Variants in GAP43 observed in about 807,000 individuals in gnomAD.
The protein encoded by GAP43 is growth associated protein 43.
Under a neutral mutation model 18.6 loss-of-function variants are expected in GAP43, and 6 were observed. The observed-to-expected ratio is 0.32, with a 90% CI of 0.18 to 0.64. The LOEUF is 0.64. GAP43 is among the 30% of genes least tolerant of loss of function. The pLI is 0.78. For synonymous variants in GAP43, 115 were observed against 111.4 expected (o/e 1.03, Z -0.20); for missense variants, 292 against 295.5 (o/e 0.99, Z 0.09).
rs571479861 is a variant in GAP43 at position 115,703,099 on chromosome 3, G to C, written c.629-17695G>C. 2.0e-5 allele frequency among the ~76,000 whole-genome samples: 3 copies of C among 152,114 alleles called. No individual in the cohort carries two copies. The South Asian group carries it at 6.2e-4, about 32-fold the overall frequency. On this transcript the variant is annotated intron_variant, in intron 2 of 2. Transcript: ENST00000305124. ...TCAAAATAAAGAGTACTTAAGGAAA[G>C]ATAAAGAACAATGGTAAATGAGAAA...
chr3:115,697,454 T>G (rs1448473777), intron 2 of GAP43, among the ~76,000 whole-genome samples: 2 of 152,200 alleles, frequency 1.3e-5, no homozygotes, highest in Non-Finnish European at 2.9e-5. Flanking sequence ...TTCTCACATG[T>G]AATGCCATCC....
chr3:115,629,611 G>A (rs939845318), intron 1 of GAP43, among the ~76,000 whole-genome samples: 1 of 151,984 alleles, frequency 6.6e-6, no homozygotes, highest in Non-Finnish European at 1.5e-5. Context: ...GCTGTATTTT[G>A]TACTATCTCT....
chr3:115,625,206 C>CATAAATAAATAAATAAATAAATAA (rs112440898), intron 1 of GAP43, among the ~76,000 whole-genome samples: 9 of 143,348 alleles, frequency 6.3e-5, no homozygotes, highest in African/African-American at 2.4e-4. Context: ...AGAGATTTGG[C>CATAAATAAATAAATAAATAAATAA]ATAAATAAAT....
chr3:115,646,146 A>T (rs1030358974), intron 1 of GAP43, among the ~76,000 whole-genome samples: 3 of 152,134 alleles, frequency 2.0e-5, no homozygotes, highest in African/African-American at 7.2e-5. Context: ...CAGGATCCAG[A>T]AACTCAGTGC....
At chr3:115,675,716 G>C (rs9631453) in intron 1 of GAP43, among the ~76,000 whole-genome samples, 37,879 of 131,158 alleles carry the variant, frequency 0.29, 5,496 homozygotes, top group East Asian at 0.46. Context: ...CTGAGACCAC[G>C]CCATTGTACT....
In GAP43 at chr3:115,719,295, G is replaced by A. The variant is rs182139656; in HGVS notation, c.629-1499G>A. ...AAAAAAAAAACAGTTAATACAGTAG[G>A]CCTGGGACTGCTATCCTTAGAAAGG... On this transcript the variant is annotated intron_variant, in intron 2 of 2. Coordinates refer to ENST00000305124, the MANE Select transcript of GAP43 (RefSeq NM_002045.4). 6.3e-4 allele frequency among the ~76,000 whole-genome samples: 96 copies of A among 152,160 alleles called. 1 individual carries two copies. The highest frequency in any genetic ancestry group is 2.3e-3 in the African/African-American group (95 of 41,552).
chr3:115,651,982 T>G (rs980378489), intron 1 of GAP43, among the ~76,000 whole-genome samples: 1 of 152,214 alleles, frequency 6.6e-6, no homozygotes, highest in Non-Finnish European at 1.5e-5. Flanking sequence ...TTTTCTGATC[T>G]TTTATTTTTA....
At position 115,634,500 on chromosome 3, in the gene GAP43, A is replaced by C. The variant is rs116548639; in HGVS notation, c.30+10781A>C. Among the ~76,000 whole-genome samples, 1,491 of 152,102 alleles carry C rather than the reference A, an allele frequency of 9.8e-3. 28 individuals carry two copies. Among genetic ancestry groups the C allele is most frequent in the African/African-American group, 0.033 (1,382 of 41,504 alleles). ...GGAAAGAAAGAAAAAAATTGACTGGATATGGTGGCTCATGCTTGTAATCCC... is the reference window on the plus strand; with the variant it reads ...GGAAAGAAAGAAAAAAATTGACTGGCTATGGTGGCTCATGCTTGTAATCCC... On this transcript the variant is annotated intron_variant, in intron 1 of 2. Transcript: ENST00000305124.
chr3:115,657,571 T>A (rs1050698048), intron 1 of GAP43, among the ~76,000 whole-genome samples: 1 of 152,142 alleles, frequency 6.6e-6, no homozygotes, highest in East Asian at 1.9e-4. Flanking sequence ...CAACTTACAG[T>A]TGGGTGAGAA....
At chr3:115,705,989 C>G (rs1226877834) in intron 2 of GAP43, among the ~76,000 whole-genome samples, 1 of 152,106 alleles carries the variant, frequency 6.6e-6, no homozygotes, top group Admixed American at 6.6e-5. Flanking sequence ...ACAGCCACTT[C>G]CTACCCCATT....
rs71141831 is a variant in GAP43, at chr3:115,652,356, C to CTTTTTTTTTTTTTTTTTTTTTTTTTTT, written c.31-23654_31-23628dup. On this transcript the variant is annotated intron_variant, in intron 1 of 2. Coordinates refer to ENST00000305124, the MANE Select transcript of GAP43 (RefSeq NM_002045.4). ...TTCCTGATGATTCTTATCCAGCATT[C>CTTTTTTTTTTTTTTTTTTTTTTTTTTT]TTTTTTTTTTTTTTTTTTTTTTTTT... 3.2e-4 allele frequency among the ~76,000 whole-genome samples: 14 copies of CTTTTTTTTTTTTTTTTTTTTTTTTTTT among 43,808 alleles called. 2 individuals carry two copies. The highest frequency in any genetic ancestry group is 9.1e-4 in the East Asian group (1 of 1,104). 28.7% of individuals were successfully genotyped at this position (43,808 alleles called of 152,430 possible). A position where few individuals can be genotyped will look rare whatever the true frequency, so the allele number is the denominator to read the frequency against.
intron 1 of GAP43, among the ~76,000 whole-genome samples, chr3:115,656,705 G>A (rs750702946): frequency 1.3e-5 from 2 of 152,100 alleles, no homozygotes; most frequent in Non-Finnish European, 2.9e-5. Flanking sequence ...AGAAAAGCAA[G>A]CAATTTCCTA....
Position 115,676,397 on chromosome 3 carries a change from G to A in GAP43, c.415G>A (p.Glu139Lys), listed in dbSNP as rs746527748. The A allele has an allele frequency of 1.2e-6, 2 of 1,613,968 alleles. No homozygotes were observed. Among genetic ancestry groups the A allele is most frequent in the South Asian group, 2.2e-5 (2 of 91,078 alleles). The change falls in exon 2 of 3, where the codon GAG becomes AAG. Residue 139 changes from glutamate to lysine, a missense_variant. Glu to Lys is a moderately conservative substitution (Grantham distance 56). Transcript: ENST00000305124. ...CTCAGAGGAGAAGGCCGGCTCAGCTGAGACAGAAAGTGCCACTAAAGCTTC... is the reference window on the plus strand; with the variant it reads ...CTCAGAGGAGAAGGCCGGCTCAGCTAAGACAGAAAGTGCCACTAAAGCTTC... The part of the protein sequence containing the change: ...ASSEEKAGSA[E>K]TESATKASTD...
chr3:115,698,203 T>TA (rs1459303729), intron 2 of GAP43, among the ~76,000 whole-genome samples: 181 of 5,842 alleles, frequency 0.031, no homozygotes, highest in South Asian at 0.065. Context: ...ATATATTATA[T>TA]ATTATATAAA....
At chr3:115,705,441 A>G (rs188385366) in intron 2 of GAP43, among the ~76,000 whole-genome samples, 1 of 152,198 alleles carries the variant, frequency 6.6e-6, no homozygotes, top group Non-Finnish European at 1.5e-5. Flanking sequence ...TTAACTCATC[A>G]TATATTAAAA....
chr3:115,652,931 T>C (rs926584784), intron 1 of GAP43, among the ~76,000 whole-genome samples: 1 of 152,176 alleles, frequency 6.6e-6, no homozygotes, highest in Non-Finnish European at 1.5e-5. Context: ...TATATACCTC[T>C]GCAACTGAAT....
intron 2 of GAP43, among the ~76,000 whole-genome samples, chr3:115,715,750 C>T (rs1709494949): frequency 6.6e-6 from 1 of 152,204 alleles, no homozygotes; most frequent in Admixed American, 6.5e-5. Context: ...TTTTTAGCTG[C>T]TTTTAATGGT....
intron 2 of GAP43, among the ~76,000 whole-genome samples, chr3:115,694,906 A>G (rs779621168): frequency 6.6e-6 from 1 of 152,202 alleles, no homozygotes; most frequent in Non-Finnish European, 1.5e-5. Context: ...CATACACAAC[A>G]TTAGAAGTAT....
In GAP43 at chr3:115,641,543, C is replaced by CACACACAGACAT. The variant is rs148731356; in HGVS notation, c.30+17824_30+17825insACACACAGACAT. On this transcript the variant is annotated intron_variant, in intron 1 of 2. Coordinates refer to ENST00000305124, the MANE Select transcript of GAP43 (RefSeq NM_002045.4). ...ACACACACACACACACACACACACA[C>CACACACAGACAT]GGTGCTTTCCTGTTTCCCTAGAGAC... Among the ~76,000 whole-genome samples, 273 of 150,352 alleles carry CACACACAGACAT rather than the reference C, an allele frequency of 1.8e-3. 4 individuals are homozygous for CACACACAGACAT. The highest frequency in any genetic ancestry group is 0.011 in the Admixed American group (169 of 15,084).
Sources: gnomAD v4.1 joint callset for allele counts (sites outside exome capture counted in the v4.1 genomes callset) on GRCh38, gnomAD v4.1.1 for gene constraint, MANE v1.5 for transcripts, NCBI Gene and HGNC (gene_info 2026-07-23, HGNC 2026-07-21) for gene names.